ZFHX3: variants seen among roughly 807,000 people sequenced by gnomAD.
ZFHX3 encodes the protein zinc finger homeobox protein 3.
In ZFHX3, 42 loss-of-function variants were observed where a neutral mutation model predicts 279.1. The ratio of observed to expected loss-of-function variants is 0.15; its 90% CI spans 0.12 to 0.19. The LOEUF is 0.19. Ranked by LOEUF, ZFHX3 falls within the 10% of genes least tolerant of loss-of-function variation. The probability of loss-of-function intolerance (pLI) is 1.00; values close to 1 mark genes in which losing one functional copy is unlikely to be tolerated. For synonymous variants in ZFHX3, 2,293 were observed against 1,957.8 expected, an observed-to-expected ratio of 1.17 and a Z score of -4.52; for missense variants, 4,981 against 4,754.0, an observed-to-expected ratio of 1.05 and a Z score of -1.40.
At chr16:73,643,633 T>C (rs759570121) in intron 2 of ZFHX3, among the ~76,000 whole-genome samples, 1 of 152,206 alleles carries the variant, frequency 6.6e-6, no homozygotes, top group Non-Finnish European at 1.5e-5. Flanking sequence ...AAAGTCATCC[T>C]AGTGTGTTCC....
At chr16:73,115,452 G>A (rs535798175) in intron 7 of ZFHX3, among the ~76,000 whole-genome samples, 1 of 151,846 alleles carries the variant, frequency 6.6e-6, no homozygotes, top group Non-Finnish European at 1.5e-5. Context: ...GGGAGACTGA[G>A]GTGGGGAGGA....
intron 2 of ZFHX3, among the ~76,000 whole-genome samples, chr16:73,547,316 G>GA (rs1368261384): frequency 6.6e-6 from 1 of 152,000 alleles, no homozygotes; most frequent in African/African-American, 2.4e-5. Flanking sequence ...AAGAAAGAAA[G>GA]AAAAAAACCT....
At chr16:73,136,250 C>T (rs1966789482) in intron 6 of ZFHX3, among the ~76,000 whole-genome samples, 1 of 152,044 alleles carries the variant, frequency 6.6e-6, no homozygotes, top group Admixed American at 6.6e-5. Context: ...CTATGTCTTC[C>T]ACAGTAAACA....
At chr16:72,807,849 G>C (rs981362189) in intron 7 of ZFHX3, 1 of 152,100 alleles carries the variant, frequency 6.6e-6, no homozygotes, top group Admixed American at 6.6e-5. Flanking sequence ...AACCCATTTG[G>C]AAAGAAAGAA....
At chr16:73,119,239 G>A (rs1031545327) in intron 7 of ZFHX3, among the ~76,000 whole-genome samples, 5 of 152,202 alleles carry the variant, frequency 3.3e-5, no homozygotes, top group Non-Finnish European at 7.4e-5. Context: ...GAGTAGCTGG[G>A]ACCATAGGTG....
chr16:73,496,269 G>A (rs567036243), intron 2 of ZFHX3, among the ~76,000 whole-genome samples: 9 of 152,338 alleles, frequency 5.9e-5, no homozygotes, highest in South Asian at 2.1e-4. Flanking sequence ...GGCGGCTCAC[G>A]CCTGTAATCC....
rs551477885 is a variant in ZFHX3, at chr16:73,781,227, C to T, written c.-1607-100987G>A. 3.0e-4 allele frequency among the ~76,000 whole-genome samples: 46 copies of T among 152,254 alleles called. 1 individual carries two copies. The East Asian group carries it at 8.5e-3, about 28-fold the overall frequency. On this transcript the variant is annotated intron_variant, in intron 1 of 17. Transcript: ENST00000641206. ...AATCTGGAATCACGATGCTTTTTTC[C>T]GTGAGATCCATGATTCTCAAACTTC... is the stretch of plus-strand genomic sequence containing the variant.
At chr16:73,565,519 T>C (rs1305380635) in intron 2 of ZFHX3, among the ~76,000 whole-genome samples, 1 of 152,208 alleles carries the variant, frequency 6.6e-6, no homozygotes, top group East Asian at 1.9e-4. Context: ...TTACCTCGAA[T>C]ACTCAAGGTT....
At chr16:73,025,850 G>A (rs1964477915) in intron 1 of ZFHX3, among the ~76,000 whole-genome samples, 1 of 152,198 alleles carries the variant, frequency 6.6e-6, no homozygotes, top group Non-Finnish European at 1.5e-5. Flanking sequence ...GAAAATTGAT[G>A]TTCCCTTGCA....
chr16:73,695,742 A>G (rs1270488601), intron 1 of ZFHX3, among the ~76,000 whole-genome samples: 1 of 152,158 alleles, frequency 6.6e-6, no homozygotes, highest in East Asian at 1.9e-4. Context: ...GAAGCTCCGA[A>G]TACAGGGCAG....
chr16:73,611,960 G>C (rs987319690), intron 2 of ZFHX3, among the ~76,000 whole-genome samples: 1 of 152,052 alleles, frequency 6.6e-6, no homozygotes, highest in Non-Finnish European at 1.5e-5. Flanking sequence ...AACCATCTTT[G>C]GGCTATATTA....
intron 1 of ZFHX3, among the ~76,000 whole-genome samples, chr16:73,749,386 C>T (rs1409154508): frequency 3.9e-5 from 6 of 152,090 alleles, no homozygotes; most frequent in Non-Finnish European, 5.9e-5. Context: ...CCCTACCTTC[C>T]AGGCAGGGTT....
At chr16:73,882,202 C>T in intron 1 of ZFHX3, among the ~76,000 whole-genome samples, 1 of 152,024 alleles carries the variant, frequency 6.6e-6, no homozygotes, top group Non-Finnish European at 1.5e-5. Flanking sequence ...ATCAGTAAGA[C>T]CCACCTCACG....
intron 7 of ZFHX3, among the ~76,000 whole-genome samples, chr16:73,116,485 G>A (rs1421139183): frequency 6.6e-6 from 1 of 152,180 alleles, no homozygotes; most frequent in East Asian, 1.9e-4. Flanking sequence ...GCTGGGGAGG[G>A]TGCCAGACTC....
intron 1 of ZFHX3, among the ~76,000 whole-genome samples, chr16:73,056,244 C>G (rs1305944481): frequency 6.6e-6 from 1 of 152,170 alleles, no homozygotes; most frequent in African/African-American, 2.4e-5. Context: ...CACCTACCAC[C>G]AAGCTTTCAA....
At chr16:72,914,072 G>C (rs1251239144) in intron 3 of ZFHX3, among the ~76,000 whole-genome samples, 1 of 152,224 alleles carries the variant, frequency 6.6e-6, no homozygotes. Context: ...GGCGGGATCT[G>C]AACCCAGGCC....
intron 3 of ZFHX3, among the ~76,000 whole-genome samples, chr16:72,923,659 C>T (rs1376882910): frequency 6.6e-6 from 1 of 152,064 alleles, no homozygotes; most frequent in Non-Finnish European, 1.5e-5. Context: ...GGAATTAAGA[C>T]CATTCCACAG....
At chr16:73,081,286 CT>C (rs377297681) in intron 8 of ZFHX3, 30 of 145,796 alleles carry the variant, frequency 2.1e-4, no homozygotes, top group African/African-American at 4.3e-4. Flanking sequence ...GAGTTTTGCT[CT>C]TGTTGCCTAG....
In ZFHX3 at chr16:72,784,023, G is replaced by A. The variant is rs1441461290; in HGVS notation, c.*3141C>T. On this transcript the variant is annotated 3_prime_UTR_variant, in exon 10 of 10. Coordinates refer to ENST00000268489, the MANE Select transcript of ZFHX3 (RefSeq NM_006885.4). ...GAGAATTATTCTTACTTTTTTCAAT[G>A]AACATATATGTGGGCGGTTTAGTTG... 1 of 152,150 alleles carries A rather than the reference G, an allele frequency of 6.6e-6. No individual in the cohort carries two copies. Among genetic ancestry groups the A allele is most frequent in the Non-Finnish European group, 1.5e-5 (1 of 68,022 alleles). 9.4% of individuals were successfully genotyped at this position (152,150 alleles called of 1,614,324 possible). A position where few individuals can be genotyped will look rare whatever the true frequency, so the allele number is the denominator to read the frequency against.
Sources: allele counts gnomAD v4.1 joint callset (sites outside exome capture counted in the v4.1 genomes callset), GRCh38; gene constraint gnomAD v4.1.1; transcripts MANE v1.5; gene names NCBI Gene and HGNC (gene_info 2026-07-23, HGNC 2026-07-21).